Variants in INPP4B observed in about 807,000 individuals in gnomAD.
INPP4B encodes inositol polyphosphate-4-phosphatase type II B, also known as inositol polyphosphate 4-phosphatase type II.
Under a neutral mutation model 122.5 loss-of-function variants are expected in INPP4B, and 55 were observed. The ratio of observed to expected loss-of-function variants is 0.45; its 90% CI spans 0.36 to 0.56. The LOEUF (loss-of-function observed/expected upper bound fraction) is 0.56. INPP4B is among the 20% of genes least tolerant of loss of function. The pLI is 0.00. For missense variants in INPP4B, 1,000 were observed against 1,097.7 expected, an observed-to-expected ratio of 0.91 and a Z score of 1.26; for synonymous variants, 403 against 388.7, an observed-to-expected ratio of 1.04 and a Z score of -0.43.
At chr4:142,564,497 T>C (rs1478827703) in intron 2 of INPP4B, among the ~76,000 whole-genome samples, 2 of 137,146 alleles carry the variant, frequency 1.5e-5, no homozygotes, top group African/African-American at 5.4e-5. Context: ...ACTCAGCAGT[T>C]AATAAGAACC....
At chr4:142,321,208 C>T (rs1769866279) in intron 7 of INPP4B, among the ~76,000 whole-genome samples, 1 of 152,130 alleles carries the variant, frequency 6.6e-6, no homozygotes, top group Non-Finnish European at 1.5e-5. Context: ...TTTGCATTTT[C>T]CTGATAATTA....
At chr4:142,782,294 C>T (rs1260257970) in intron 1 of INPP4B, among the ~76,000 whole-genome samples, 1 of 150,816 alleles carries the variant, frequency 6.6e-6, no homozygotes, top group Admixed American at 6.6e-5. Flanking sequence ...CATCCATGTC[C>T]CTACAAAGGA....
intron 16 of INPP4B, among the ~76,000 whole-genome samples, chr4:142,168,960 C>T (rs751976810): frequency 6.6e-6 from 1 of 151,546 alleles, no homozygotes; most frequent in Non-Finnish European, 1.5e-5. Flanking sequence ...TTATAAGGAT[C>T]ACATAATTTG....
intron 11 of INPP4B, among the ~76,000 whole-genome samples, chr4:142,240,704 C>T (rs1193995953): frequency 6.6e-6 from 1 of 152,088 alleles, no homozygotes; most frequent in East Asian, 1.9e-4. Context: ...CAGTTTGACC[C>T]AGCAGTGTTG....
intron 9 of INPP4B, among the ~76,000 whole-genome samples, chr4:142,295,199 C>T (rs1175064992): frequency 6.6e-6 from 1 of 152,126 alleles, no homozygotes; most frequent in East Asian, 1.9e-4. Flanking sequence ...TGTTCACTTA[C>T]GCAAGCTTAA....
chr4:142,445,537 C>G lies in INPP4B; in HGVS notation c.-126-14152G>C, dbSNP rs1377834328. ...CATTACGATCTTAAATGTGAATGTA[C>G]CTAAAAATTTCATAACAGATGAAGC... On this transcript the variant is annotated intron_variant, in intron 3 of 25. Transcript: ENST00000262992. 2.0e-5 allele frequency among the ~76,000 whole-genome samples: 3 copies of G among 152,134 alleles called. No homozygotes were observed. In the East Asian group the frequency reaches 5.8e-4, roughly 29 times the overall value.
At chr4:142,282,786 A>C (rs1751802854) in intron 9 of INPP4B, among the ~76,000 whole-genome samples, 2 of 152,022 alleles carry the variant, frequency 1.3e-5, no homozygotes, top group Non-Finnish European at 2.9e-5. Context: ...CCTGTGTATA[A>C]TTACAGGCAG....
chr4:142,331,398 G>T (rs1774462546), intron 7 of INPP4B, among the ~76,000 whole-genome samples: 2 of 152,168 alleles, frequency 1.3e-5, no homozygotes, highest in South Asian at 2.1e-4. Context: ...TTGGGACCCA[G>T]ATCTACTGGG....
intron 15 of INPP4B, among the ~76,000 whole-genome samples, chr4:142,179,472 C>CAAA (rs71586262): frequency 2.6e-4 from 19 of 73,028 alleles, no homozygotes; most frequent in South Asian, 1.4e-3. Context: ...AACTCCATCT[C>CAAA]AAAAAAAAAA....
intron 2 of INPP4B, among the ~76,000 whole-genome samples, chr4:142,528,281 A>T (rs573920402): frequency 6.6e-6 from 1 of 152,070 alleles, no homozygotes; most frequent in Non-Finnish European, 1.5e-5. Context: ...TACACTTCTT[A>T]TCTGGCTCAA....
intron 1 of INPP4B, among the ~76,000 whole-genome samples, chr4:142,777,608 T>C (rs1269085089): frequency 6.6e-6 from 1 of 152,136 alleles, no homozygotes; most frequent in Non-Finnish European, 1.5e-5. Flanking sequence ...GTAATAAACA[T>C]GTGTTGTTTC....
intron 2 of INPP4B, among the ~76,000 whole-genome samples, chr4:142,480,168 T>C (rs1400220489): frequency 1.3e-5 from 2 of 152,216 alleles, no homozygotes; most frequent in South Asian, 2.1e-4. Context: ...CTTATACTAA[T>C]TGGAAATCCT....
At chr4:142,600,161 G>A (rs1739598660) in intron 2 of INPP4B, among the ~76,000 whole-genome samples, 1 of 151,984 alleles carries the variant, frequency 6.6e-6, no homozygotes. Flanking sequence ...GATTCAGGAG[G>A]CCCAGCAATC....
intron 8 of INPP4B, among the ~76,000 whole-genome samples, chr4:142,313,121 T>C (rs924633467): frequency 6.6e-6 from 1 of 151,742 alleles, no homozygotes; most frequent in Non-Finnish European, 1.5e-5. Flanking sequence ...TAGAAGAAAA[T>C]AAAATCAGAA....
chr4:142,754,033 C>T (rs1455646967), intron 1 of INPP4B, among the ~76,000 whole-genome samples: 1 of 152,078 alleles, frequency 6.6e-6, no homozygotes, highest in East Asian at 1.9e-4. Flanking sequence ...TGATTTCCAC[C>T]TTCAGCAACT....
intron 2 of INPP4B, among the ~76,000 whole-genome samples, chr4:142,545,795 GTATA>G (rs1211860824): frequency 1.4e-4 from 15 of 107,462 alleles, no homozygotes; most frequent in South Asian, 6.3e-4. Context: ...ATATATGTGT[GTATA>G]TATATACACA....
At chr4:142,686,100 A>G (rs181022725) in intron 2 of INPP4B, among the ~76,000 whole-genome samples, 1 of 152,210 alleles carries the variant, frequency 6.6e-6, no homozygotes, top group East Asian at 1.9e-4. Flanking sequence ...AAGGCTTCAA[A>G]GAGTCTAGGA....
At chr4:142,647,804 A>G (rs988666400) in intron 2 of INPP4B, among the ~76,000 whole-genome samples, 10 of 152,260 alleles carry the variant, frequency 6.6e-5, no homozygotes, top group African/African-American at 2.4e-4. Context: ...TTAATGTAAG[A>G]ATCAAGTAAG....
chr4:142,262,991 A>G (rs1740816834), intron 10 of INPP4B, among the ~76,000 whole-genome samples: 1 of 152,112 alleles, frequency 6.6e-6, no homozygotes, highest in Admixed American at 6.5e-5. Context: ...TCAGTAAGAC[A>G]TTTTCTTTCC....
Sources: gnomAD v4.1 joint callset for allele counts (sites outside exome capture counted in the v4.1 genomes callset) on GRCh38, gnomAD v4.1.1 for gene constraint, MANE v1.5 for transcripts, NCBI Gene and HGNC (gene_info 2026-07-23, HGNC 2026-07-21) for gene names.